KMT2A: variants seen among roughly 807,000 people sequenced by gnomAD.
KMT2A encodes histone-lysine N-methyltransferase 2A.
KMT2A carries 16 observed loss-of-function variants against 345.3 expected under a neutral mutation model. The observed-to-expected ratio is 0.05, with a 90% CI of 0.03 to 0.07. KMT2A has a LOEUF of 0.07. Among genes scored for constraint, KMT2A ranks in the 10% least tolerant of loss-of-function variants. The pLI is 1.00. For synonymous variants in KMT2A, 1,599 were observed against 1,778.6 expected, an observed-to-expected ratio of 0.90 and a Z score of 2.54; for missense variants, 3,272 against 4,841.6, an observed-to-expected ratio of 0.68 and a Z score of 9.62.
At position 118,487,865 on chromosome 11, in the gene KMT2A, A is replaced by G. The variant is rs182961506; in HGVS notation, c.4333-749A>G. Among the ~76,000 whole-genome samples, 52 of 152,364 alleles carry G rather than the reference A, an allele frequency of 3.4e-4. No individual in the cohort carries two copies. The Middle Eastern group carries it at 0.034, about 100-fold the overall frequency. On this transcript the variant is annotated intron_variant, in intron 10 of 35. Coordinates refer to ENST00000534358, the MANE Select transcript of KMT2A (RefSeq NM_001197104.2). ...GTATTTTTGAAAATCCTATATCAAT[A>G]TGAAAATAACTTATTTCTAAAATTA... is the stretch of plus-strand genomic sequence containing the variant.
Position 118,473,543 on chromosome 11 carries a change from C to T in KMT2A, c.2384C>T (p.Thr795Ile). Residue 795 changes from threonine to isoleucine, a missense_variant, in exon 3 of 36, where the codon ACT (threonine) becomes ATT (isoleucine). Coordinates refer to ENST00000534358, the MANE Select transcript of KMT2A (RefSeq NM_001197104.2). This position sits in a 1 kb window ranked among gnomAD's most constrained non-coding sequence, Gnocchi z 5.2. ...CTTGCCACTAGTGCCTTAAACCCAACTTTTACTTTTCCTTCTCATTCCCTG... is the reference window on the plus strand; with the variant it reads ...CTTGCCACTAGTGCCTTAAACCCAATTTTTACTTTTCCTTCTCATTCCCTG... Reference protein sequence around the residue: ...SPLATSALNPTFTFPSHSLTQ... With the variant: ...SPLATSALNPIFTFPSHSLTQ... 5.6e-6 allele frequency: 9 copies of T among 1,614,116 alleles called. No homozygotes were observed. Among genetic ancestry groups the T allele is most frequent in the Non-Finnish European group, 7.6e-6 (9 of 1,180,024 alleles).
At position 118,491,918 on chromosome 11, in the gene KMT2A, G is replaced by A. The variant is rs781823826; in HGVS notation, c.4994G>A (p.Arg1665His). The change falls in exon 15 of 36, where the codon CGC becomes CAC. Residue 1665 changes from arginine (R) to histidine (H), a missense_variant. Arg to His is a conservative substitution (Grantham distance 29, BLOSUM62 0). This residue lies in a region of KMT2A where 66 missense variants were observed against 80.1 expected (regional missense o/e 0.82). Coordinates refer to ENST00000534358, the MANE Select transcript of KMT2A (RefSeq NM_001197104.2). The surrounding 1 kb of genome is among the most constrained non-coding windows in gnomAD (Gnocchi z 4.2). ...LNSRTTSHLL[R>H]YRQAAKPPDL... ...TCTCGGACTACCAGCCATTTGCTACGCTACCGGCAGGTAGGCCAAGTCTCA... is the reference window on the plus strand; with the variant it reads ...TCTCGGACTACCAGCCATTTGCTACACTACCGGCAGGTAGGCCAAGTCTCA... The A allele has an allele frequency of 1.2e-6, 2 of 1,612,724 alleles. No individual in the cohort carries two copies. Among genetic ancestry groups the A allele is most frequent in the Non-Finnish European group, 1.7e-6 (2 of 1,179,448 alleles).
In KMT2A at chr11:118,476,382, T is replaced by G. The variant is rs987389997; in HGVS notation, c.3157-423T>G. ...ATAATTGGGAATAGAAGCTTAGTTG[T>G]TTGTTTGTTTTTAAGATAGGGTCTC... On this transcript the variant is annotated intron_variant, in intron 3 of 35. Transcript: ENST00000534358. This position sits in a 1 kb window ranked among gnomAD's most constrained non-coding sequence, Gnocchi z 4.1. 7.9e-5 allele frequency among the ~76,000 whole-genome samples: 12 copies of G among 152,106 alleles called. No homozygotes were observed. The highest frequency in any genetic ancestry group is 2.7e-4 in the African/African-American group (11 of 41,428).
Position 118,495,785 on chromosome 11 carries a change from A to G in KMT2A, c.5449A>G (p.Thr1817Ala), listed in dbSNP as rs1350646662. ...QWQEREENSH[T>A]EQPPLMKKII... ...GCAGGAGCGAGAGGAAAACAGCCAC[A>G]CTGAGCAGCCTCCTTTAATGAAGAA... Residue 1817 changes from threonine (T) to alanine (A), a missense_variant, in exon 19 of 36, where the codon ACT becomes GCT. Thr to Ala is a moderately conservative substitution (Grantham distance 58). Around this residue, in one of 27 missense-constraint regions of KMT2A, gnomAD observed 235 missense variants for 503.4 expected, o/e 0.47. Coordinates refer to ENST00000534358, the MANE Select transcript of KMT2A (RefSeq NM_001197104.2). The surrounding 1 kb of genome is among the most constrained non-coding windows in gnomAD (Gnocchi z 4.1). 1.9e-6 allele frequency: 3 copies of G among 1,614,034 alleles called. No individual in the cohort carries two copies. The highest frequency in any genetic ancestry group is 8.5e-7 in the Non-Finnish European group (1 of 1,180,024).
chr11:118,438,444 G>A (rs1433432948), intron 1 of KMT2A, among the ~76,000 whole-genome samples: 2 of 142,018 alleles, frequency 1.4e-5, no homozygotes, highest in African/African-American at 5.1e-5. Context: ...TGTAGAGGGG[G>A]GAGGATGGCA....
In KMT2A at chr11:118,482,328, T is replaced by TC. The variant is rs1264682092; in HGVS notation, c.4013-94_4013-93insC. ...GAAGCCTAGAGTTTAAATAGTTTTT[T>TC]TTTTTTTTTTCTAATGGCCCTTTCT... On this transcript the variant is annotated intron_variant, in intron 7 of 35. Transcript: ENST00000534358. The TC allele has an allele frequency of 6.1e-6, 6 of 976,890 alleles. No homozygotes were observed. In the Admixed American group the frequency reaches 1.5e-4, roughly 24 times the overall value. 60.5% of individuals were successfully genotyped at this position (976,890 alleles called of 1,614,324 possible). A position where few individuals can be genotyped will look rare whatever the true frequency, so the allele number is the denominator to read the frequency against.
intron 31 of KMT2A, among the ~76,000 whole-genome samples, chr11:118,513,947 A>G (rs1950746559): frequency 6.6e-6 from 1 of 151,062 alleles, no homozygotes; most frequent in African/African-American, 2.4e-5. Context: ...CAAAAAAAAA[A>G]AAAAAAAAAA....
At position 118,503,160 on chromosome 11, in the gene KMT2A, C is replaced by A; in HGVS notation, c.7268C>A (p.Ser2423Tyr). The change falls in exon 27 of 36, where the codon TCT becomes TAT. Residue 2423 changes from serine (S) to tyrosine (Y), a missense_variant. Ser to Tyr is a moderately radical substitution (Grantham distance 144, BLOSUM62 -2). Around this residue, in one of 27 missense-constraint regions of KMT2A, gnomAD observed 445 missense variants for 500.9 expected, o/e 0.89. Coordinates refer to ENST00000534358, the MANE Select transcript of KMT2A (RefSeq NM_001197104.2). The surrounding 1 kb of genome is among the most constrained non-coding windows in gnomAD (Gnocchi z 5.3). ...RSSIINEHMGSSSRDRRQKGK... is the reference protein window; with the variant it reads ...RSSIINEHMGYSSRDRRQKGK... The stretch of plus-strand genomic sequence containing the variant: ...TCCATTATCAACGAACATATGGGAT[C>A]TAGTTCCAGAGATAGGAGACAGAAA... The A allele has an allele frequency of 6.2e-7, 1 of 1,613,916 alleles. No homozygotes were observed. The highest frequency in any genetic ancestry group is 1.1e-5 in the South Asian group (1 of 91,028).
Position 118,494,864 on chromosome 11 carries a change from C to A in KMT2A, c.5363+97C>A. The A allele has an allele frequency of 2.1e-6, 2 of 935,306 alleles. No homozygotes were observed. Among genetic ancestry groups the A allele is most frequent in the African/African-American group, 1.6e-5 (1 of 60,848 alleles). The allele number at this position is 935,306 out of a possible 1,614,324, so 57.9% of individuals were successfully genotyped here. A position where few individuals can be genotyped will look rare whatever the true frequency, so the allele number is the denominator to read the frequency against. On this transcript the variant is annotated intron_variant, in intron 18 of 35. Transcript: ENST00000534358. The surrounding 1 kb of genome is among the most constrained non-coding windows in gnomAD (Gnocchi z 5.8). ...TGCAGTTTTCCAAAAGGTTTTAATACTAGAAATGAATTGGTTGAAATGCCT... is the reference window on the plus strand; with the variant it reads ...TGCAGTTTTCCAAAAGGTTTTAATAATAGAAATGAATTGGTTGAAATGCCT...
intron 1 of KMT2A, among the ~76,000 whole-genome samples, chr11:118,457,463 G>C (rs1949667569): frequency 6.6e-6 from 1 of 151,340 alleles, no homozygotes; most frequent in East Asian, 1.9e-4. Flanking sequence ...AGTAGAGACA[G>C]GGTTTCACCA....
Position 118,482,105 on chromosome 11 carries a change from G to C in KMT2A, c.4012+13G>C, listed in dbSNP as rs782119903. ...CCACCAGAATCAGGTGAGTGAGGAGGGCAAGAAGGAATTGCTGAACCACAA... is the reference window on the plus strand; with the variant it reads ...CCACCAGAATCAGGTGAGTGAGGAGCGCAAGAAGGAATTGCTGAACCACAA... On this transcript the variant is annotated intron_variant, in intron 7 of 35. Coordinates refer to ENST00000534358, the MANE Select transcript of KMT2A (RefSeq NM_001197104.2). The C allele has an allele frequency of 1.3e-6, 2 of 1,581,674 alleles. No individual in the cohort carries two copies.
intron 1 of KMT2A, among the ~76,000 whole-genome samples, chr11:118,438,819 CAG>C (rs1949254601): frequency 6.6e-6 from 1 of 152,090 alleles, no homozygotes; most frequent in South Asian, 2.1e-4. Flanking sequence ...CGCCTTCTGA[CAG>C]AGCAAGGAGG....
Position 118,494,371 on chromosome 11 carries a change from C to A in KMT2A, c.5262C>A (p.Asn1754Lys). ...GACAGCCAGAAATTAAAAAAGCCAA[C>A]AGCATGGTCAAGTCCTTCTTCATTC... ...DGGQPEIKKA[N>K]SMVKSFFIRQ... The change falls in exon 17 of 36, where the codon AAC becomes AAA. Residue 1754 changes from asparagine to lysine, a missense_variant. Asn to Lys is a moderately conservative substitution (Grantham distance 94, BLOSUM62 0). Coordinates refer to ENST00000534358, the MANE Select transcript of KMT2A (RefSeq NM_001197104.2). This position sits in a 1 kb window ranked among gnomAD's most constrained non-coding sequence, Gnocchi z 5.8. The A allele has an allele frequency of 6.3e-7, 1 of 1,599,268 alleles. No individual in the cohort carries two copies. Among genetic ancestry groups the A allele is most frequent in the Non-Finnish European group, 8.6e-7 (1 of 1,166,526 alleles).
At position 118,505,534 on chromosome 11, in the gene KMT2A, A is replaced by G; in HGVS notation, c.9642A>G (p.Val3214=). The part of the protein sequence containing the change: ...SSQRTDLSTT[V]ATPSSGLKKR... The stretch of plus-strand genomic sequence containing the variant: ...AGAGGACAGACCTCAGTACCACAGT[A>G]GCCACTCCATCCTCTGGACTCAAGA... Residue 3214 remains valine (V), a synonymous_variant, in exon 27 of 36, where the codon GTA becomes GTG. Transcript: ENST00000534358. The surrounding 1 kb of genome is among the most constrained non-coding windows in gnomAD (Gnocchi z 4.6). 1 of 1,614,166 alleles carries G rather than the reference A, an allele frequency of 6.2e-7. No homozygotes were observed. The highest frequency in any genetic ancestry group is 8.5e-7 in the Non-Finnish European group (1 of 1,180,018).
Position 118,506,116 on chromosome 11 carries a change from G to A in KMT2A, c.10224G>A (p.Met3408Ile). 1.2e-6 allele frequency: 2 copies of A among 1,614,184 alleles called. No homozygotes were observed. The highest frequency in any genetic ancestry group is 1.7e-6 in the Non-Finnish European group (2 of 1,180,036). The part of the protein sequence containing the change: ...QPVALPPSSG[M>I]FPQLGTSQTP... ...TGGCTTTACCGCCAAGTTCAGGAATGTTTCCACAACTGGGGACATCACAGA... is the reference window on the plus strand; with the variant it reads ...TGGCTTTACCGCCAAGTTCAGGAATATTTCCACAACTGGGGACATCACAGA... The change falls in exon 27 of 36, where the codon ATG becomes ATA. Residue 3408 changes from methionine to isoleucine, a missense_variant. By Grantham distance (10) the Met-to-Ile change is conservative. Around this residue, in one of 27 missense-constraint regions of KMT2A, gnomAD observed 748 missense variants for 922.2 expected, o/e 0.81. Coordinates refer to ENST00000534358, the MANE Select transcript of KMT2A (RefSeq NM_001197104.2).
rs782641177 is a variant in KMT2A at position 118,505,458 on chromosome 11, T to C, written c.9566T>C (p.Ile3189Thr). 12 of 1,614,056 alleles carry C rather than the reference T, an allele frequency of 7.4e-6. No homozygotes were observed. The highest frequency in any genetic ancestry group is 5.0e-5 in the Admixed American group (3 of 60,000). Residue 3189 changes from isoleucine to threonine, a missense_variant, in exon 27 of 36, where the codon ATT becomes ACT. Ile to Thr is a moderately conservative substitution (Grantham distance 89, BLOSUM62 -1). Transcript: ENST00000534358. The surrounding 1 kb of genome is among the most constrained non-coding windows in gnomAD (Gnocchi z 4.6). ...AGCAATCCTCCTTCAGGCCTGCTTA[T>C]TGGGGTTCAGCCTCCTCCGGATCCC... ...NISNPPSGLL[I>T]GVQPPPDPQL...
intron 1 of KMT2A, among the ~76,000 whole-genome samples, chr11:118,440,343 G>T (rs1555139803): frequency 1.3e-5 from 2 of 152,136 alleles, no homozygotes; most frequent in Non-Finnish European, 2.9e-5. Flanking sequence ...GAAATCAGAG[G>T]TCCATTTTTT....
chr11:118,440,146 A>G (rs1292723120), intron 1 of KMT2A, among the ~76,000 whole-genome samples: 3 of 152,212 alleles, frequency 2.0e-5, no homozygotes, highest in Admixed American at 1.3e-4. Context: ...AATAATGACT[A>G]TAACTTGCCT....
intron 1 of KMT2A, among the ~76,000 whole-genome samples, chr11:118,466,861 T>G (rs1159645550): frequency 2.0e-5 from 3 of 151,970 alleles, no homozygotes; most frequent in Non-Finnish European, 4.4e-5. Flanking sequence ...AACTTACGTG[T>G]AAGAATTTAA....
Sources: gnomAD v4.1 joint callset for allele counts (sites outside exome capture counted in the v4.1 genomes callset) on GRCh38, gnomAD v4.1.1 for gene constraint, gnomAD v4.1.1 regional missense constraint, Gnocchi (gnomAD v3.1) non-coding constraint, MANE v1.5 for transcripts, NCBI Gene and HGNC (gene_info 2026-07-23, HGNC 2026-07-21) for gene names.